SPEG: variants seen among roughly 807,000 people sequenced by gnomAD.
The protein encoded by SPEG is striated muscle preferentially expressed protein kinase.
Under a neutral mutation model 300.4 loss-of-function variants are expected in SPEG, and 114 were observed. The ratio of observed to expected loss-of-function variants is 0.38; its 90% CI spans 0.33 to 0.44. SPEG has a LOEUF of 0.44. Among genes scored for constraint, SPEG ranks in the 20% least tolerant of loss-of-function variants. The probability of loss-of-function intolerance (pLI) is 1.00; values close to 1 mark genes in which losing one functional copy is unlikely to be tolerated. For missense variants in SPEG, 4,201 were observed against 4,586.2 expected, an observed-to-expected ratio of 0.92 and a Z score of 2.43; for synonymous variants, 1,964 against 2,018.9, an observed-to-expected ratio of 0.97 and a Z score of 0.73.
In SPEG at chr2:219,451,585, T is replaced by G. The variant is rs1239137577; in HGVS notation, c.2258-40T>G. The G allele has an allele frequency of 6.8e-7, 1 of 1,467,468 alleles. No homozygotes were observed. Among genetic ancestry groups the G allele is most frequent in the Admixed American group, 2.4e-5 (1 of 42,080 alleles). 90.9% of individuals were successfully genotyped at this position (1,467,468 alleles called of 1,614,324 possible). Reference sequence around the variant, plus strand: ...GGAGTAGAGATTCTCAGTGGGCGCCTGTGGGCCGTGGCGAGCCGGGTCCCT... The same window carrying G: ...GGAGTAGAGATTCTCAGTGGGCGCCGGTGGGCCGTGGCGAGCCGGGTCCCT... On this transcript the variant is annotated intron_variant, in intron 5 of 40. Transcript: ENST00000312358. The surrounding 1 kb of genome is among the most constrained non-coding windows in gnomAD (Gnocchi z 6.4).
intron 6 of SPEG, among the ~76,000 whole-genome samples, chr2:219,453,323 C>T (rs951051625): frequency 3.9e-5 from 6 of 152,252 alleles, no homozygotes; most frequent in Non-Finnish European, 7.3e-5. Flanking sequence ...GCTTCAGTTT[C>T]CTCATTTGTA....
At chr2:219,461,855 CT>C in intron 6 of SPEG, 26 bp from the exon 7 acceptor site, 1 of 1,609,170 alleles carries the variant, frequency 6.2e-7, no homozygotes, top group Non-Finnish European at 8.5e-7. Flanking sequence ...GCCTTCCTCC[CT>C]GGTAGCTATC....
In SPEG at chr2:219,492,174, G is replaced by C. The variant is rs538507737; in HGVS notation, c.9525G>C (p.Gly3175=). 1.2e-6 allele frequency: 2 copies of C among 1,613,744 alleles called. No homozygotes were observed. Residue 3175 remains glycine (G), a synonymous_variant, in exon 40 of 41, where the codon GGG becomes GGC. Coordinates refer to ENST00000312358, the MANE Select transcript of SPEG (RefSeq NM_005876.5). Reference sequence around the variant, plus strand: ...AGGAAACGGAGGCTCGGATTGTGGGGGGCCGCTTTGATGCCTTCCAGCTGT... The same window carrying C: ...AGGAAACGGAGGCTCGGATTGTGGGCGGCCGCTTTGATGCCTTCCAGCTGT... ...DPQETEARIV[G]GRFDAFQLYP... is the part of the protein sequence containing the mutation.
intron 39 of SPEG, 118 bp downstream of exon 39, chr2:219,491,987 C>T: frequency 7.5e-7 from 1 of 1,335,422 alleles, no homozygotes; most frequent in Non-Finnish European, 1.0e-6. Context: ...ATCCACACTG[C>T]ACACTCACAC....
At position 219,443,349 on chromosome 2, in the gene SPEG, C is replaced by T. The variant is rs531250661; in HGVS notation, c.389-1304C>T. 7.4e-5 allele frequency: 48 copies of T among 650,764 alleles called. No individual in the cohort carries two copies. The highest frequency in any genetic ancestry group is 1.2e-4 in the Non-Finnish European group (44 of 354,644). 40.3% of individuals were successfully genotyped at this position (650,764 alleles called of 1,614,324 possible). A position where few individuals can be genotyped will look rare whatever the true frequency, so the allele number is the denominator to read the frequency against. On this transcript the variant is annotated intron_variant, in intron 1 of 40. Coordinates refer to ENST00000312358, the MANE Select transcript of SPEG (RefSeq NM_005876.5). The surrounding 1 kb of genome is among the most constrained non-coding windows in gnomAD (Gnocchi z 4.6). Reference sequence around the variant, plus strand: ...AGAGAGGACCCAGCAGAAGGGAGGGCGGCTCACTAGCACACCCCTGCATGG... The same window carrying T: ...AGAGAGGACCCAGCAGAAGGGAGGGTGGCTCACTAGCACACCCCTGCATGG...
rs1441570810 is a variant in SPEG at position 219,490,627 on chromosome 2, T to G, written c.9140T>G (p.Leu3047Arg). 6 of 1,610,346 alleles carry G rather than the reference T, an allele frequency of 3.7e-6. No individual in the cohort carries two copies. Among genetic ancestry groups the G allele is most frequent in the Non-Finnish European group, 5.1e-6 (6 of 1,176,824 alleles). ...LIAESCGNRE[L>R]LCGLSDRFRY... ...GCTGAGAGCTGTGGCAACCGGGAAC[T>G]CCTCTGTGGGCTCAGTGACAGGTAG... is the stretch of plus-strand genomic sequence containing the variant. Residue 3047 changes from leucine to arginine, a missense_variant, in exon 37 of 41, where the codon CTC becomes CGC. Around this residue, in one of 4 missense-constraint regions of SPEG, gnomAD observed 318 missense variants for 429.5 expected, o/e 0.74. Transcript: ENST00000312358.
In SPEG at chr2:219,493,422, C is replaced by T. The variant is rs559377646; in HGVS notation, c.*636C>T. 8.2e-4 allele frequency: 323 copies of T among 395,136 alleles called. 2 individuals carry two copies. Among genetic ancestry groups the T allele is most frequent in the African/African-American group, 6.1e-3 (296 of 48,594 alleles). 24.5% of individuals were successfully genotyped at this position (395,136 alleles called of 1,614,324 possible). A position where few individuals can be genotyped will look rare whatever the true frequency, so the allele number is the denominator to read the frequency against. The stretch of plus-strand genomic sequence containing the variant: ...GCTCTGTCCTCCTGTCCAGTGGATA[C>T]AGCCCTGGGCGCTCTGCTGGCCCAA... On this transcript the variant is annotated 3_prime_UTR_variant, in exon 41 of 41. Transcript: ENST00000312358.
At position 219,477,130 on chromosome 2, in the gene SPEG, G is replaced by T; in HGVS notation, c.4561-147G>T. 5 of 978,328 alleles carry T rather than the reference G, an allele frequency of 5.1e-6. No individual in the cohort carries two copies. Among genetic ancestry groups the T allele is most frequent in the Non-Finnish European group, 7.5e-6 (5 of 670,662 alleles). 60.6% of individuals were successfully genotyped at this position (978,328 alleles called of 1,614,324 possible). ...GGGCTGCAGAGGACTGACTAGCTGA[G>T]GGGTGCAGGGCTTTCTGTGGGAGAT... On this transcript the variant is annotated intron_variant, in intron 19 of 40. Coordinates refer to ENST00000312358, the MANE Select transcript of SPEG (RefSeq NM_005876.5). This position sits in a 1 kb window ranked among gnomAD's most constrained non-coding sequence, Gnocchi z 6.4.
chr2:219,492,947 AC>A lies in SPEG; in HGVS notation c.*165del. The A allele has an allele frequency of 1.2e-6, 1 of 832,170 alleles. No homozygotes were observed. 51.5% of individuals were successfully genotyped at this position (832,170 alleles called of 1,614,324 possible). A position where few individuals can be genotyped will look rare whatever the true frequency, so the allele number is the denominator to read the frequency against. ...ACCTCATAGACCTTCAAGGACAGAGACCCCAGGGCCTGGACCTGATGCCACC... is the reference window on the plus strand; with the variant it reads ...ACCTCATAGACCTTCAAGGACAGAGACCCAGGGCCTGGACCTGATGCCACC... On this transcript the variant is annotated 3_prime_UTR_variant, in exon 41 of 41. Transcript: ENST00000312358.
At chr2:219,475,174 C>T (rs1175559785) in intron 18 of SPEG, among the ~76,000 whole-genome samples, 1 of 152,080 alleles carries the variant, frequency 6.6e-6, no homozygotes, top group African/African-American at 2.4e-5. Context: ...GTTTGGTTTT[C>T]TAATTTGTTA....
At chr2:219,460,407 CAG>C in intron 6 of SPEG, 4 of 985,462 alleles carry the variant, frequency 4.1e-6, no homozygotes, top group Non-Finnish European at 4.8e-6. Flanking sequence ...AGGGGCAACA[CAG>C]GGAACATTTC....
At chr2:219,462,208 G>A (rs2125404066) in intron 7 of SPEG, 90 bp from the exon 8 acceptor site, 1 of 1,259,766 alleles carries the variant, frequency 7.9e-7, no homozygotes, top group Non-Finnish European at 1.1e-6. Context: ...CAGCCTGGCT[G>A]TGGAAGAGTC....
Position 219,479,371 on chromosome 2 carries a change from AC to A in SPEG, c.5085+175del, listed in dbSNP as rs915060254. ...CAGAGTCCCCACCCAATGATACCAGACCCCCATCTATCTGAGACTTGTGCTA... is the reference window on the plus strand; with the variant it reads ...CAGAGTCCCCACCCAATGATACCAGACCCCATCTATCTGAGACTTGTGCTA... On this transcript the variant is annotated intron_variant, in intron 23 of 40. Transcript: ENST00000312358. The surrounding 1 kb of genome is among the most constrained non-coding windows in gnomAD (Gnocchi z 5.5). Among the ~76,000 whole-genome samples, 2 of 151,842 alleles carry A rather than the reference AC, an allele frequency of 1.3e-5. No homozygotes were observed. Among genetic ancestry groups the A allele is most frequent in the African/African-American group, 4.8e-5 (2 of 41,276 alleles).
In SPEG at chr2:219,488,805, A is replaced by T. The variant is rs762536434; in HGVS notation, c.8054A>T (p.Glu2685Val). 38 of 1,600,310 alleles carry T rather than the reference A, an allele frequency of 2.4e-5. No individual in the cohort carries two copies. Among genetic ancestry groups the T allele is most frequent in the Non-Finnish European group, 3.2e-5 (37 of 1,172,410 alleles). The change falls in exon 34 of 41, where the codon GAG becomes GTG. Residue 2685 changes from glutamate (E) to valine (V), a missense_variant. Transcript: ENST00000312358. ...ARVPGKLAPP[E>V]VPQTYQDTAL... The stretch of plus-strand genomic sequence containing the variant: ...GTCCCAGGAAAGCTAGCTCCTCCAG[A>T]GGTACCCCAGACCTACCAGGACACG...
chr2:219,439,646 A>T lies in SPEG; in HGVS notation c.388+4281A>T, dbSNP rs898063457. On this transcript the variant is annotated intron_variant, in intron 1 of 40. Transcript: ENST00000312358. The surrounding 1 kb of genome is among the most constrained non-coding windows in gnomAD (Gnocchi z 4.5). The stretch of plus-strand genomic sequence containing the variant: ...CCAGCTATGGGAGAAAAATGGGGCA[A>T]TCTGGGGCCAGCTGGGGAGGCCCAC... Among the ~76,000 whole-genome samples the T allele has an allele frequency of 1.3e-5, 2 of 152,052 alleles. No individual in the cohort carries two copies. Among genetic ancestry groups the T allele is most frequent in the Non-Finnish European group, 2.9e-5 (2 of 67,998 alleles).
rs1441037656 is a variant in SPEG at position 219,473,071 on chromosome 2, T to G, written c.4122T>G (p.Ser1374=). ...VKSSSKPSPP[S]EPVQLLEHGP... Reference sequence around the variant, plus strand: ...GCAGCAGCAAGCCCTCACCCCCTTCTGAGCCTGTGCAGCTGCTGGAGCACG... The same window carrying G: ...GCAGCAGCAAGCCCTCACCCCCTTCGGAGCCTGTGCAGCTGCTGGAGCACG... The change falls in exon 16 of 41, where the codon TCT becomes TCG. Residue 1374 remains serine (S), a synonymous_variant. Transcript: ENST00000312358. This position sits in a 1 kb window ranked among gnomAD's most constrained non-coding sequence, Gnocchi z 4.6. The G allele has an allele frequency of 1.9e-6, 3 of 1,613,734 alleles. No individual in the cohort carries two copies. Among genetic ancestry groups the G allele is most frequent in the Non-Finnish European group, 2.5e-6 (3 of 1,180,008 alleles).
In SPEG at chr2:219,435,231, C is replaced by T. The variant is rs1256623141; in HGVS notation, c.254C>T (p.Ala85Val). Residue 85 changes from alanine to valine, a missense_variant, in exon 1 of 41, where the codon GCG becomes GTG. By Grantham distance (64) the Ala-to-Val change is moderately conservative (BLOSUM62 0). Transcript: ENST00000312358. ...TTCCGGGATGGGCAGCTCCTGCCCGCGCCGGCCCCCGAGCCCAGCTGCCTG... is the reference window on the plus strand; with the variant it reads ...TTCCGGGATGGGCAGCTCCTGCCCGTGCCGGCCCCCGAGCCCAGCTGCCTG... ...RWFRDGQLLP[A>V]PAPEPSCLWL... 1.1e-5 allele frequency: 16 copies of T among 1,476,096 alleles called. No individual in the cohort carries two copies. The African/African-American group carries it at 2.4e-4, about 22-fold the overall frequency. The allele number at this position is 1,476,096 out of a possible 1,614,324, so 91.4% of individuals were successfully genotyped here. A position where few individuals can be genotyped will look rare whatever the true frequency, so the allele number is the denominator to read the frequency against.
chr2:219,483,161 C>T lies in SPEG; in HGVS notation c.5698C>T (p.Pro1900Ser). ...LRPIPELLRA[P>S]PERVWVTMPR... ...CCCCATCCCCGAGCTGCTGCGGGCC[C>T]CCCCAGAGCGGGTGTGGGTGACCAT... The change falls in exon 30 of 41, where the codon CCC becomes TCC. Residue 1900 changes from proline (P) to serine (S), a missense_variant. By Grantham distance (74) the Pro-to-Ser change is moderately conservative. This residue lies in a region of SPEG where 1,578 missense variants were observed against 1,506.0 expected (regional missense o/e 1.05). Coordinates refer to ENST00000312358, the MANE Select transcript of SPEG (RefSeq NM_005876.5). 1.2e-6 allele frequency: 2 copies of T among 1,609,616 alleles called. No homozygotes were observed. The highest frequency in any genetic ancestry group is 1.7e-6 in the Non-Finnish European group (2 of 1,179,374).
In SPEG at chr2:219,481,723, G is replaced by A. The variant is rs1463221817; in HGVS notation, c.5565+43G>A. The A allele has an allele frequency of 1.3e-6, 2 of 1,584,690 alleles. No individual in the cohort carries two copies. Among genetic ancestry groups the A allele is most frequent in the African/African-American group, 1.3e-5 (1 of 74,318 alleles). ...AGTGGTGGCACAAAAGGTGGAGGGA[G>A]AGAGAATGTTACTAACAGCTCTATT... On this transcript the variant is annotated intron_variant, in intron 28 of 40. Coordinates refer to ENST00000312358, the MANE Select transcript of SPEG (RefSeq NM_005876.5). This position sits in a 1 kb window ranked among gnomAD's most constrained non-coding sequence, Gnocchi z 5.4.
Sources: gnomAD v4.1 joint callset for allele counts (sites outside exome capture counted in the v4.1 genomes callset) on GRCh38, gnomAD v4.1.1 for gene constraint, gnomAD v4.1.1 regional missense constraint, Gnocchi (gnomAD v3.1) non-coding constraint, MANE v1.5 for transcripts, NCBI Gene and HGNC (gene_info 2026-07-23, HGNC 2026-07-21) for gene names.